Variants in PLCG2 observed in about 807,000 individuals in gnomAD.
The protein encoded by PLCG2 is phospholipase C gamma 2.
In PLCG2, 69 loss-of-function variants were observed where a neutral mutation model predicts 175.6. The ratio of observed to expected loss-of-function variants is 0.39; its 90% CI spans 0.32 to 0.48. The LOEUF (loss-of-function observed/expected upper bound fraction) is 0.48. Ranked by LOEUF, PLCG2 falls within the 20% of genes least tolerant of loss-of-function variation. The probability of loss-of-function intolerance (pLI) is 0.91; values close to 1 mark genes in which losing one functional copy is unlikely to be tolerated. For missense variants in PLCG2, 1,798 were observed against 1,650.9 expected (o/e 1.09, Z -1.54); for synonymous variants, 827 against 624.0 (o/e 1.33, Z -4.85).
At chr16:81,895,340 C>T (rs1908833346) in intron 12 of PLCG2, among the ~76,000 whole-genome samples, 1 of 152,148 alleles carries the variant, frequency 6.6e-6, no homozygotes, top group Non-Finnish European at 1.5e-5. Context: ...GTGGATGGAT[C>T]ATGAGGTCAG....
chr16:81,901,045 G>A (rs550674533), intron 14 of PLCG2, among the ~76,000 whole-genome samples: 22 of 152,258 alleles, frequency 1.4e-4, no homozygotes, highest in Non-Finnish European at 3.1e-4. Context: ...GAGGGAAGGC[G>A]TGCAGAATGC....
intron 7 of PLCG2, among the ~76,000 whole-genome samples, chr16:81,875,378 G>T (rs538102756): frequency 2.6e-5 from 4 of 152,290 alleles, no homozygotes; most frequent in Middle Eastern, 3.4e-3. Context: ...TTACTTTGCT[G>T]AAGGCCTGTT....
At chr16:81,815,311 G>T (rs1451255025) in intron 2 of PLCG2, among the ~76,000 whole-genome samples, 1 of 152,092 alleles carries the variant, frequency 6.6e-6, no homozygotes, top group African/African-American at 2.4e-5. Flanking sequence ...TCACCAAGGG[G>T]TCTCAGCCTC....
intron 27 of PLCG2, 139 bp downstream of exon 27, chr16:81,936,517 G>A (rs1488573207): frequency 1.5e-6 from 1 of 684,030 alleles, no homozygotes; most frequent in Non-Finnish European, 2.5e-6. Context: ...GTTCAGCAGA[G>A]TAATGGTTAG....
chr16:81,921,995 T>G (rs1365317810), intron 21 of PLCG2, among the ~76,000 whole-genome samples: 1 of 152,226 alleles, frequency 6.6e-6, no homozygotes, highest in Non-Finnish European at 1.5e-5. Flanking sequence ...CAAAAACTTT[T>G]GTTAGTAGTG....
At chr16:81,895,513 T>G in intron 12 of PLCG2, 1 of 315,290 alleles carries the variant, frequency 3.2e-6, no homozygotes, top group Non-Finnish European at 6.0e-6. Flanking sequence ...TGGGCCGAGA[T>G]TGTGCCACTG....
chr16:81,893,829 C>CCTGGG, intron 12 of PLCG2, 35 bp downstream of exon 12: 1 of 1,370,784 alleles, frequency 7.3e-7, no homozygotes, highest in Non-Finnish European at 1.0e-6. Flanking sequence ...GTCAGGCTCG[C>CCTGGG]AGCAAATTGA....
rs991823554 is a variant in PLCG2 at position 81,961,225 on chromosome 16, G to A, written c.*3227G>A. The A allele has an allele frequency of 4.4e-6, 1 of 226,012 alleles. No homozygotes were observed. The highest frequency in any genetic ancestry group is 8.8e-6 in the Non-Finnish European group (1 of 113,654). 14.0% of individuals were successfully genotyped at this position (226,012 alleles called of 1,614,324 possible). ...TCATAAAGCTTCCGTTCCCATTGATGTATCTGTGTGAACAAGGATCAACAT... is the reference window on the plus strand; with the variant it reads ...TCATAAAGCTTCCGTTCCCATTGATATATCTGTGTGAACAAGGATCAACAT... On this transcript the variant is annotated 3_prime_UTR_variant, in exon 33 of 33. Coordinates refer to ENST00000564138, the MANE Select transcript of PLCG2 (RefSeq NM_002661.5).
At chr16:81,923,633 C>A in intron 22 of PLCG2, 39 bp downstream of exon 22, 1 of 1,222,012 alleles carries the variant, frequency 8.2e-7, no homozygotes. Context: ...GGCAGGTGGG[C>A]TTGACTTGTC....
intron 24 of PLCG2, among the ~76,000 whole-genome samples, chr16:81,929,913 G>T (rs1040583019): frequency 4.6e-5 from 7 of 152,238 alleles, no homozygotes; most frequent in African/African-American, 1.7e-4. Context: ...TATCTGCAGA[G>T]CAGAGGCACA....
chr16:81,923,386 G>C, intron 21 of PLCG2, 99 bp from the exon 22 acceptor site: 2 of 682,400 alleles, frequency 2.9e-6, no homozygotes, highest in Non-Finnish European at 5.2e-6. Context: ...GAAGCCTCCT[G>C]CTCCCCAATG....
intron 25 of PLCG2, among the ~76,000 whole-genome samples, chr16:81,932,017 C>T (rs552786165): frequency 3.3e-5 from 5 of 152,184 alleles, no homozygotes; most frequent in Non-Finnish European, 7.3e-5. Flanking sequence ...TCTGGATCCT[C>T]CTGACAGAAA....
rs908952026 is a variant in PLCG2 at position 81,846,713 on chromosome 16, A to G, written c.194-7731A>G. Among the ~76,000 whole-genome samples the G allele has an allele frequency of 3.9e-5, 6 of 152,352 alleles. No individual in the cohort carries two copies. The South Asian group carries it at 6.2e-4, about 16-fold the overall frequency. On this transcript the variant is annotated intron_variant, in intron 2 of 32. Transcript: ENST00000564138. The stretch of plus-strand genomic sequence containing the variant: ...ATATCAGTTCTTCCTGGCTTCATCT[A>G]TAGATTCAACACAATCCCAACCAAA...
intron 3 of PLCG2, among the ~76,000 whole-genome samples, chr16:81,855,709 G>A (rs1474447211): frequency 6.6e-6 from 1 of 152,204 alleles, no homozygotes; most frequent in African/African-American, 2.4e-5. Flanking sequence ...TAATTCCAGG[G>A]AAGCTTGGCA....
At chr16:81,883,234 C>G (rs372274557) in intron 8 of PLCG2, 35 bp from the exon 9 acceptor site, 12 of 1,594,124 alleles carry the variant, frequency 7.5e-6, no homozygotes, top group Non-Finnish European at 2.6e-6. Context: ...TTGAATGTGT[C>G]TGTCTCTAAC....
At chr16:81,864,495 G>T (rs1907132949) in intron 5 of PLCG2, among the ~76,000 whole-genome samples, 1 of 152,202 alleles carries the variant, frequency 6.6e-6, no homozygotes, top group South Asian at 2.1e-4. Flanking sequence ...TTAAATCTCA[G>T]ATCTCACACT....
intron 5 of PLCG2, among the ~76,000 whole-genome samples, chr16:81,867,745 T>G (rs542341553): frequency 4.1e-4 from 62 of 152,198 alleles, no homozygotes; most frequent in Middle Eastern, 6.8e-3. Context: ...TCACCCAGGC[T>G]GGAGTGCAGT....
intron 2 of PLCG2, among the ~76,000 whole-genome samples, chr16:81,760,739 C>T (rs796884013): frequency 2.6e-4 from 30 of 114,214 alleles, no homozygotes; most frequent in African/African-American, 9.0e-4. Flanking sequence ...AGTGAGACCC[C>T]GTCTCTATTA....
At chr16:81,754,015 G>A (rs1418136030) in intron 1 of PLCG2, among the ~76,000 whole-genome samples, 1 of 152,044 alleles carries the variant, frequency 6.6e-6, no homozygotes, top group Non-Finnish European at 1.5e-5. Flanking sequence ...TGGCCTGGCC[G>A]CCATCACAGG....
Sources: allele counts gnomAD v4.1 joint callset (sites outside exome capture counted in the v4.1 genomes callset), GRCh38; gene constraint gnomAD v4.1.1; transcripts MANE v1.5; gene names NCBI Gene and HGNC (gene_info 2026-07-23, HGNC 2026-07-21).